Variants in FOXP1 observed in about 807,000 individuals in gnomAD.
FOXP1 encodes the protein forkhead box P1.
Under a neutral mutation model 98.2 loss-of-function variants are expected in FOXP1, and 15 were observed. That is an observed-to-expected ratio of 0.15 (90% CI 0.10 to 0.24). The LOEUF is 0.24. FOXP1 is among the 10% of genes least tolerant of loss of function. FOXP1 has a pLI of 1.00. For missense variants in FOXP1, 633 were observed against 848.5 expected, an observed-to-expected ratio of 0.75 and a Z score of 3.15; for synonymous variants, 371 against 314.5, an observed-to-expected ratio of 1.18 and a Z score of -1.90.
At chr3:71,535,993 G>A (rs9866090) in intron 2 of FOXP1, among the ~76,000 whole-genome samples, 43,592 of 152,026 alleles carry the variant, frequency 0.29, 7,306 homozygotes, top group African/African-American at 0.45. Context: ...AGAGATCAAG[G>A]GTGACCCTTG....
At chr3:71,421,706 G>A (rs923509786) in intron 3 of FOXP1, among the ~76,000 whole-genome samples, 7 of 152,136 alleles carry the variant, frequency 4.6e-5, no homozygotes, top group Non-Finnish European at 7.3e-5. Context: ...ACCAAAGAAA[G>A]GCTGGCTTGA....
chr3:71,127,578 A>G (rs1268322907), intron 6 of FOXP1, among the ~76,000 whole-genome samples: 1 of 152,212 alleles, frequency 6.6e-6, no homozygotes, highest in Non-Finnish European at 1.5e-5. Flanking sequence ...TCATGGTAAA[A>G]CACTTTCTCA....
intron 3 of FOXP1, among the ~76,000 whole-genome samples, chr3:71,417,687 T>C (rs1306854526): frequency 1.3e-5 from 2 of 152,152 alleles, no homozygotes; most frequent in African/African-American, 4.8e-5. Context: ...AAACAGTTAA[T>C]GCATCATTTT....
chr3:71,143,809 G>A (rs1360993643), intron 6 of FOXP1, among the ~76,000 whole-genome samples: 3 of 152,154 alleles, frequency 2.0e-5, no homozygotes, highest in African/African-American at 7.2e-5. Flanking sequence ...GTGTTACGAC[G>A]ATTACTTTTA....
At chr3:71,474,460 G>A (rs141461755) in intron 3 of FOXP1, among the ~76,000 whole-genome samples, 124 of 152,234 alleles carry the variant, frequency 8.1e-4, no homozygotes, top group African/African-American at 2.2e-3. Context: ...ACTGGTTTCC[G>A]TGGCCTGTTA....
chr3:71,427,635 C>G (rs1221746548), intron 3 of FOXP1, among the ~76,000 whole-genome samples: 5 of 152,272 alleles, frequency 3.3e-5, no homozygotes, highest in African/African-American at 9.6e-5. Flanking sequence ...ATTGTATGGA[C>G]AAAACATACC....
intron 5 of FOXP1, among the ~76,000 whole-genome samples, chr3:71,241,565 A>C (rs1009450067): frequency 6.6e-6 from 1 of 152,220 alleles, no homozygotes; most frequent in African/African-American, 2.4e-5. Context: ...GTGGTGCCGA[A>C]ACTCTTCACA....
chr3:71,021,079 C>T (rs1053495213), intron 11 of FOXP1, among the ~76,000 whole-genome samples: 3 of 152,212 alleles, frequency 2.0e-5, no homozygotes, highest in African/African-American at 7.2e-5. Context: ...ATACAATTCA[C>T]TCACTTAAAG....
chr3:71,494,269 G>A (rs759926133), intron 2 of FOXP1, among the ~76,000 whole-genome samples: 26 of 152,256 alleles, frequency 1.7e-4, no homozygotes, highest in Non-Finnish European at 2.8e-4. Context: ...GGCATTAACC[G>A]ATGCTCTTCA....
chr3:70,992,997 A>T (rs986773780), intron 13 of FOXP1, among the ~76,000 whole-genome samples: 2 of 152,146 alleles, frequency 1.3e-5, no homozygotes, highest in Non-Finnish European at 2.9e-5. Flanking sequence ...TGTCCTGAGT[A>T]TTGCCTCAAA....
At chr3:71,371,735 G>A (rs1317468081) in intron 3 of FOXP1, among the ~76,000 whole-genome samples, 1 of 152,156 alleles carries the variant, frequency 6.6e-6, no homozygotes, top group Admixed American at 6.5e-5. Flanking sequence ...GCTGCGGGGA[G>A]CTACAATTGC....
At chr3:71,193,602 C>A (rs1168600198) in intron 6 of FOXP1, among the ~76,000 whole-genome samples, 1 of 152,074 alleles carries the variant, frequency 6.6e-6, no homozygotes, top group Non-Finnish European at 1.5e-5. Flanking sequence ...TCGTGCACCA[C>A]CATGCCCAGC....
intron 4 of FOXP1, among the ~76,000 whole-genome samples, chr3:71,358,100 G>GC (rs896998432): frequency 2.6e-5 from 4 of 152,124 alleles, no homozygotes; most frequent in African/African-American, 9.7e-5. Flanking sequence ...GTTTTGACAT[G>GC]CAAGACTTGT....
intron 5 of FOXP1, among the ~76,000 whole-genome samples, chr3:71,223,878 C>T (rs1238906785): frequency 6.6e-6 from 1 of 152,034 alleles, no homozygotes; most frequent in Admixed American, 6.6e-5. Flanking sequence ...AGGAGTCACT[C>T]AGCAGAAGTT....
chr3:71,243,033 T>A (rs1265824933), intron 5 of FOXP1, among the ~76,000 whole-genome samples: 3 of 152,184 alleles, frequency 2.0e-5, no homozygotes, highest in Admixed American at 2.0e-4. Context: ...CACCCGCCAT[T>A]CCATGTTCTA....
At chr3:71,052,491 T>A in intron 9 of FOXP1, 46 bp downstream of exon 9, 1 of 876,530 alleles carries the variant, frequency 1.1e-6, no homozygotes, top group South Asian at 1.3e-5. Flanking sequence ...CACTAGATAG[T>A]CCTCTGGGAT....
chr3:71,054,736 C>A (rs1178939294), intron 7 of FOXP1, among the ~76,000 whole-genome samples: 1 of 151,772 alleles, frequency 6.6e-6, no homozygotes, highest in Non-Finnish European at 1.5e-5. Flanking sequence ...TGAAAAATCA[C>A]CCCCCGCCCC....
intron 7 of FOXP1, among the ~76,000 whole-genome samples, chr3:71,071,415 G>GT (rs2053212665): frequency 6.6e-6 from 1 of 152,184 alleles, no homozygotes; most frequent in Non-Finnish European, 1.5e-5. Context: ...CAAGCAGGCT[G>GT]TTTAACTCTG....
intron 5 of FOXP1, among the ~76,000 whole-genome samples, chr3:71,252,687 T>G (rs1192174444): frequency 6.6e-6 from 1 of 152,176 alleles, no homozygotes; most frequent in African/African-American, 2.4e-5. Flanking sequence ...ATTTTCCCAG[T>G]GTTTGAGATA....
Sources: allele counts gnomAD v4.1 joint callset (sites outside exome capture counted in the v4.1 genomes callset), GRCh38; gene constraint gnomAD v4.1.1; transcripts MANE v1.5; gene names NCBI Gene and HGNC (gene_info 2026-07-23, HGNC 2026-07-21).